Variants in NAV3 observed in about 807,000 individuals in gnomAD.
NAV3 encodes neuron navigator 3.
In NAV3, 87 loss-of-function variants were observed where a neutral mutation model predicts 244.7. The observed-to-expected ratio is 0.36, with a 90% CI of 0.30 to 0.42. The LOEUF (loss-of-function observed/expected upper bound fraction) is 0.42, where lower values mean the gene tolerates loss of function less well. NAV3 is among the 20% of genes least tolerant of loss of function. NAV3 has a pLI of 1.00. For missense variants in NAV3, 2,663 were observed against 2,893.3 expected, an observed-to-expected ratio of 0.92 and a Z score of 1.83; for synonymous variants, 1,126 against 1,042.2, an observed-to-expected ratio of 1.08 and a Z score of -1.55.
chr12:77,908,523 G>T (rs182667294), intron 1 of NAV3, among the ~76,000 whole-genome samples: 218 of 152,052 alleles, frequency 1.4e-3, no homozygotes, highest in Non-Finnish European at 2.2e-3. Context: ...AATTTAAAAA[G>T]AATATATCCC....
intron 2 of NAV3, among the ~76,000 whole-genome samples, chr12:77,813,763 T>A (rs1226735412): frequency 1.3e-5 from 2 of 152,216 alleles, no homozygotes; most frequent in African/African-American, 4.8e-5. Flanking sequence ...TTCCTTCATA[T>A]GACTAATAGC....
chr12:78,121,043 A>G (rs1955645293), intron 15 of NAV3, among the ~76,000 whole-genome samples: 1 of 152,188 alleles, frequency 6.6e-6, no homozygotes, highest in Non-Finnish European at 1.5e-5. Flanking sequence ...TCTGTTTCTT[A>G]AGTAAAAGCC....
chr12:78,127,051 T>A, intron 16 of NAV3, 116 bp from the exon 17 acceptor site: 1 of 902,902 alleles, frequency 1.1e-6, no homozygotes, highest in Non-Finnish European at 1.7e-6. Context: ...AGTTAAGCAT[T>A]ATATGTGTGT....
chr12:78,012,546 C>A lies in NAV3; in HGVS notation c.1907+5101C>A, dbSNP rs537881206. Among the ~76,000 whole-genome samples, 9 of 152,166 alleles carry A rather than the reference C, an allele frequency of 5.9e-5. No homozygotes were observed. In the South Asian group the frequency reaches 1.9e-3, roughly 32 times the overall value. On this transcript the variant is annotated intron_variant, in intron 8 of 39. Transcript: ENST00000397909. Reference sequence around the variant, plus strand: ...CATGCAGTCCCACCTTCCCCCAGCACGTTGTATCTCAGCCTTCATCCTCCT... The same window carrying A: ...CATGCAGTCCCACCTTCCCCCAGCAAGTTGTATCTCAGCCTTCATCCTCCT...
intron 8 of NAV3, among the ~76,000 whole-genome samples, chr12:78,013,074 G>A (rs1158329982): frequency 6.6e-6 from 1 of 152,054 alleles, no homozygotes; most frequent in Non-Finnish European, 1.5e-5. Flanking sequence ...AAATGGGAGG[G>A]TTTAACTGAA....
chr12:77,880,676 T>G (rs1215818002), intron 1 of NAV3, among the ~76,000 whole-genome samples: 1 of 152,176 alleles, frequency 6.6e-6, no homozygotes, highest in Non-Finnish European at 1.5e-5. Flanking sequence ...ATACTGTACT[T>G]TATTTTTATT....
At chr12:78,185,808 A>G in intron 31 of NAV3, 110 bp downstream of exon 31, 3 of 896,534 alleles carry the variant, frequency 3.3e-6, no homozygotes, top group Admixed American at 2.4e-5. Flanking sequence ...ACAATTGTGG[A>G]TTGGCATTAG....
At chr12:77,625,839 C>T (rs1452683871) in intron 2 of NAV3, among the ~76,000 whole-genome samples, 2 of 152,142 alleles carry the variant, frequency 1.3e-5, no homozygotes, top group Admixed American at 6.5e-5. Flanking sequence ...AAAGATGCAA[C>T]TGTTACAGCA....
chr12:77,974,056 G>A (rs980936572), intron 5 of NAV3, among the ~76,000 whole-genome samples: 12 of 151,778 alleles, frequency 7.9e-5, no homozygotes, highest in Non-Finnish European at 1.5e-5. Flanking sequence ...GTGTGCACGT[G>A]CACACACTTT....
rs1473316560 is a variant in NAV3, at chr12:78,171,565, A to G, written c.4981+2699A>G. ...AAACCATGGTTATAAAGGTTTGAATATATATAGGATAGTTAGATTGTATTT... is the reference window on the plus strand; with the variant it reads ...AAACCATGGTTATAAAGGTTTGAATGTATATAGGATAGTTAGATTGTATTT... On this transcript the variant is annotated intron_variant, in intron 24 of 39. Transcript: ENST00000397909. 3.3e-5 allele frequency among the ~76,000 whole-genome samples: 5 copies of G among 151,654 alleles called. No individual in the cohort carries two copies. The Admixed American group carries it at 3.3e-4, about 10-fold the overall frequency.
intron 2 of NAV3, among the ~76,000 whole-genome samples, chr12:77,781,298 C>T (rs1870649140): frequency 6.6e-6 from 1 of 152,080 alleles, no homozygotes; most frequent in East Asian, 1.9e-4. Context: ...TTACCCTCCT[C>T]CCTTTTGGAA....
intron 2 of NAV3, among the ~76,000 whole-genome samples, chr12:77,797,488 T>C (rs1199564238): frequency 6.6e-6 from 1 of 151,810 alleles, no homozygotes; most frequent in Non-Finnish European, 1.5e-5. Context: ...TATTTACTCT[T>C]CTTTACCTAA....
rs185213368 is a variant in NAV3 at position 78,023,596 on chromosome 12, G to C, written c.2023+1734G>C. 6.6e-5 allele frequency among the ~76,000 whole-genome samples: 10 copies of C among 152,256 alleles called. No individual in the cohort carries two copies. In the East Asian group the frequency reaches 1.9e-3, roughly 29 times the overall value. On this transcript the variant is annotated intron_variant, in intron 9 of 39. Coordinates refer to ENST00000397909, the MANE Select transcript of NAV3 (RefSeq NM_001024383.2). Reference sequence around the variant, plus strand: ...AATTATGTCAATCTCACTATCATCTGTTTAAATGCAGCCTATAGTGGGATA... The same window carrying C: ...AATTATGTCAATCTCACTATCATCTCTTTAAATGCAGCCTATAGTGGGATA...
intron 12 of NAV3, among the ~76,000 whole-genome samples, chr12:78,083,103 T>G (rs1262720660): frequency 6.6e-6 from 1 of 152,240 alleles, no homozygotes; most frequent in African/African-American, 2.4e-5. Flanking sequence ...GGTTGAGCAC[T>G]ACATCTGTTA....
intron 17 of NAV3, among the ~76,000 whole-genome samples, chr12:78,127,431 A>G (rs141422226): frequency 5.3e-5 from 8 of 152,300 alleles, no homozygotes; most frequent in South Asian, 2.1e-4. Flanking sequence ...ATAAATTCCA[A>G]TGTGAATATC....
In NAV3 at chr12:78,144,934, A is replaced by G. The variant is rs1312838828; in HGVS notation, c.4684-1435A>G. ...TCTCAAAAAAAAAAAAAAAAAAAAA[A>G]AAAAAAAAAAAAAGAAAGAAAGAAA... On this transcript the variant is annotated intron_variant, in intron 20 of 39. Coordinates refer to ENST00000397909, the MANE Select transcript of NAV3 (RefSeq NM_001024383.2). The G allele has an allele frequency of 4.7e-4, 70 of 147,830 alleles. 2 individuals carry two copies. The highest frequency in any genetic ancestry group is 1.5e-3 in the African/African-American group (58 of 38,272). 9.2% of individuals were successfully genotyped at this position (147,830 alleles called of 1,614,324 possible).
At chr12:77,661,999 TTC>T (rs1254584027) in intron 2 of NAV3, among the ~76,000 whole-genome samples, 2 of 150,624 alleles carry the variant, frequency 1.3e-5, no homozygotes, top group Middle Eastern at 3.5e-3. Context: ...ACCTTTGACT[TTC>T]TTTTTCAAAA....
intron 30 of NAV3, 125 bp downstream of exon 30, chr12:78,181,170 T>A: frequency 1.2e-6 from 1 of 812,396 alleles, no homozygotes; most frequent in Non-Finnish European, 1.9e-6. Context: ...GAAATAGTCC[T>A]AGTTTGATCT....
At chr12:78,143,929 T>G (rs1176529173) in intron 20 of NAV3, among the ~76,000 whole-genome samples, 1 of 152,156 alleles carries the variant, frequency 6.6e-6, no homozygotes. Flanking sequence ...CTAGTTTTCA[T>G]TGTGCTGTTG....
Sources: allele counts gnomAD v4.1 joint callset (sites outside exome capture counted in the v4.1 genomes callset), GRCh38; gene constraint gnomAD v4.1.1; transcripts MANE v1.5; gene names NCBI Gene and HGNC (gene_info 2026-07-23, HGNC 2026-07-21).